The following COL25A1 variants were observed in gnomAD, a reference collection of about 807,000 sequenced individuals.
COL25A1 encodes collagen type XXV alpha 1 chain, also known as collagen alpha-1(XXV) chain.
A neutral mutation model predicts 128.4 loss-of-function variants in COL25A1; 103 were observed. That is an observed-to-expected ratio of 0.80 (90% CI 0.68 to 0.94). The LOEUF is 0.94. Ranked by LOEUF, COL25A1 falls within the 40% of genes least tolerant of loss-of-function variation. The probability of loss-of-function intolerance (pLI) is 0.00; values close to 1 mark genes in which losing one functional copy is unlikely to be tolerated. For synonymous variants in COL25A1, 279 were observed against 277.2 expected, an observed-to-expected ratio of 1.01 and a Z score of -0.06; for missense variants, 745 against 840.0, an observed-to-expected ratio of 0.89 and a Z score of 1.40.
At chr4:108,959,052 A>G (rs1750385530) in intron 8 of COL25A1, among the ~76,000 whole-genome samples, 4 of 152,136 alleles carry the variant, frequency 2.6e-5, no homozygotes, top group Admixed American at 2.6e-4. Flanking sequence ...TCATCATAAC[A>G]TCAAAAGCAA....
At chr4:109,155,922 A>G (rs1243353348) in intron 3 of COL25A1, among the ~76,000 whole-genome samples, 1 of 152,038 alleles carries the variant, frequency 6.6e-6, no homozygotes, top group Non-Finnish European at 1.5e-5. Context: ...TTAAGGAAAA[A>G]CCCTGTTTTT....
Position 109,057,726 on chromosome 4 carries a change from C to T in COL25A1, c.368-7547G>A, listed in dbSNP as rs117488194. Reference sequence around the variant, plus strand: ...TATTTTTAAACTGGTTGAGTTTCTACTCCTGTGGAGAGAGGTCAATAAACC... The same window carrying T: ...TATTTTTAAACTGGTTGAGTTTCTATTCCTGTGGAGAGAGGTCAATAAACC... On this transcript the variant is annotated intron_variant, in intron 3 of 37. Coordinates refer to ENST00000399132, the MANE Select transcript of COL25A1 (RefSeq NM_198721.4). Among the ~76,000 whole-genome samples the T allele has an allele frequency of 5.7e-4, 87 of 152,240 alleles. No homozygotes were observed. In the East Asian group the frequency reaches 0.016, roughly 27 times the overall value.
chr4:108,965,978 T>C (rs1751251648), intron 8 of COL25A1, among the ~76,000 whole-genome samples: 1 of 152,214 alleles, frequency 6.6e-6, no homozygotes. Context: ...GATCTTGATA[T>C]GCAATTTTCT....
At chr4:109,278,712 T>C (rs1461859182) in intron 3 of COL25A1, among the ~76,000 whole-genome samples, 1 of 152,224 alleles carries the variant, frequency 6.6e-6, no homozygotes, top group Non-Finnish European at 1.5e-5. Flanking sequence ...AAGAATTTGG[T>C]GACTCGGCAT....
chr4:109,200,650 C>T (rs1776491986), intron 3 of COL25A1, among the ~76,000 whole-genome samples: 1 of 152,082 alleles, frequency 6.6e-6, no homozygotes, highest in South Asian at 2.1e-4. Flanking sequence ...TGCGGTTTCG[C>T]CAGGTTGGGC....
chr4:109,057,425 T>TTTTC (rs1761551934), intron 3 of COL25A1, among the ~76,000 whole-genome samples: 2 of 111,198 alleles, frequency 1.8e-5, no homozygotes, highest in Admixed American at 1.9e-4. Context: ...TAGCTAATTT[T>TTTTC]TTTTTTTTTT....
intron 31 of COL25A1, 134 bp downstream of exon 31, chr4:108,841,561 T>C (rs1578509089): frequency 2.9e-6 from 2 of 687,182 alleles, no homozygotes; most frequent in Non-Finnish European, 5.0e-6. Context: ...TTTAAACATA[T>C]GGATGCTTAA....
intron 8 of COL25A1, among the ~76,000 whole-genome samples, chr4:108,962,980 T>G (rs2125972405): frequency 6.6e-6 from 1 of 152,324 alleles, no homozygotes; most frequent in East Asian, 1.9e-4. Flanking sequence ...TTACAGGCTG[T>G]GTCTGCTACA....
intron 3 of COL25A1, among the ~76,000 whole-genome samples, chr4:109,098,282 G>A (rs77771943): frequency 6.6e-6 from 1 of 152,056 alleles, no homozygotes; most frequent in African/African-American, 2.4e-5. Context: ...TGGGCCAAGG[G>A]AAGGCCCTGG....
At chr4:109,031,637 C>T (rs1419848253) in intron 5 of COL25A1, among the ~76,000 whole-genome samples, 5 of 152,102 alleles carry the variant, frequency 3.3e-5, no homozygotes, top group Non-Finnish European at 7.4e-5. Flanking sequence ...TAAAGCTTTA[C>T]TTTTACTCCA....
chr4:109,138,989 G>A (rs1015776633), intron 3 of COL25A1, among the ~76,000 whole-genome samples: 1 of 152,142 alleles, frequency 6.6e-6, no homozygotes, highest in African/African-American at 2.4e-5. Flanking sequence ...TTACACGCAT[G>A]AGCCACCACA....
chr4:108,861,189 A>T (rs1038408634), intron 22 of COL25A1, among the ~76,000 whole-genome samples: 1 of 152,206 alleles, frequency 6.6e-6, no homozygotes, highest in Non-Finnish European at 1.5e-5. Flanking sequence ...CAGGTAATAG[A>T]GTATCTTGAA....
At chr4:108,870,850 G>T (rs578011250) in intron 19 of COL25A1, among the ~76,000 whole-genome samples, 1 of 152,264 alleles carries the variant, frequency 6.6e-6, no homozygotes, top group Non-Finnish European at 1.5e-5. Context: ...AAGTTAATAT[G>T]TTGAAAGTTT....
rs553755255 is a variant in COL25A1, at chr4:109,263,947, T to C, written c.367+36636A>G. Among the ~76,000 whole-genome samples, 106 of 152,302 alleles carry C rather than the reference T, an allele frequency of 7.0e-4. 1 individual carries two copies. The Middle Eastern group carries it at 0.024, about 34-fold the overall frequency. Reference sequence around the variant, plus strand: ...ACCATGAGAAGCTCTTGGCATACGATGGTGAGCAAGACAGTCGCTTCATTC... The same window carrying C: ...ACCATGAGAAGCTCTTGGCATACGACGGTGAGCAAGACAGTCGCTTCATTC... On this transcript the variant is annotated intron_variant, in intron 3 of 37. Coordinates refer to ENST00000399132, the MANE Select transcript of COL25A1 (RefSeq NM_198721.4).
chr4:109,112,859 TGA>T (rs1560713604), intron 3 of COL25A1, among the ~76,000 whole-genome samples: 1 of 152,130 alleles, frequency 6.6e-6, no homozygotes, highest in Non-Finnish European at 1.5e-5. Flanking sequence ...TTGCCAAGAA[TGA>T]AAAAGTCTGT....
At chr4:109,092,629 A>G (rs1445346146) in intron 3 of COL25A1, among the ~76,000 whole-genome samples, 1 of 152,180 alleles carries the variant, frequency 6.6e-6, no homozygotes. Context: ...AGGTACTTGT[A>G]CTAAATTATG....
At chr4:109,294,785 T>C (rs1316578384) in intron 3 of COL25A1, among the ~76,000 whole-genome samples, 2 of 152,112 alleles carry the variant, frequency 1.3e-5, no homozygotes, top group Non-Finnish European at 1.5e-5. Flanking sequence ...CAGGATAACA[T>C]AGATTGATGT....
At chr4:108,822,750 A>G (rs1000610803) in intron 35 of COL25A1, among the ~76,000 whole-genome samples, 2 of 152,178 alleles carry the variant, frequency 1.3e-5, no homozygotes, top group Non-Finnish European at 2.9e-5. Context: ...AAACACACTC[A>G]TCTTGGGCTA....
At chr4:109,012,495 T>C (rs1579078257) in intron 5 of COL25A1, among the ~76,000 whole-genome samples, 2 of 152,096 alleles carry the variant, frequency 1.3e-5, no homozygotes, top group East Asian at 1.9e-4. Flanking sequence ...GGCAGGAACT[T>C]GGGCTGCGTG....
Sources: allele counts gnomAD v4.1 joint callset (sites outside exome capture counted in the v4.1 genomes callset), GRCh38; gene constraint gnomAD v4.1.1; transcripts MANE v1.5; gene names NCBI Gene and HGNC (gene_info 2026-07-23, HGNC 2026-07-21).